The following GALNT12 variants were observed in gnomAD, a reference collection of about 807,000 sequenced individuals.
The protein encoded by GALNT12 is UDP-GalNAc:polypeptide N-acetylgalactosaminyltransferase 12.
In GALNT12, 45 loss-of-function variants were observed where a neutral mutation model predicts 55.5. The observed-to-expected ratio is 0.81, with a 90% CI of 0.64 to 1.04. GALNT12 has a LOEUF of 1.04. Ranked by LOEUF, GALNT12 falls within the 50% of genes least tolerant of loss-of-function variation. The pLI, the probability that GALNT12 is intolerant of heterozygous loss-of-function variation, is 0.00. For synonymous variants in GALNT12, 304 were observed against 312.2 expected (o/e 0.97, Z 0.28); for missense variants, 709 against 754.8 (o/e 0.94, Z 0.71).
intron 1 of GALNT12, among the ~76,000 whole-genome samples, chr9:98,812,512 A>T (rs1295223074): frequency 6.6e-6 from 1 of 152,110 alleles, no homozygotes; most frequent in Non-Finnish European, 1.5e-5. Context: ...AATTACTTGA[A>T]CCCAGGAGGC....
intron 2 of GALNT12, 100 bp downstream of exon 2, chr9:98,823,525 A>G (rs368869020): frequency 4.9e-6 from 5 of 1,018,782 alleles, no homozygotes; most frequent in African/African-American, 4.7e-5. Context: ...CCCAGTAAGG[A>G]TGGGCTTCCT....
rs145689895 is a variant in GALNT12 at position 98,845,273 on chromosome 9, C to T, written c.1459-704C>T. ...ATGGTGTGACAAGCCCTGCTCTGTGCGCCTTAAGAACACCCACCTGTGTCA... is the reference window on the plus strand; with the variant it reads ...ATGGTGTGACAAGCCCTGCTCTGTGTGCCTTAAGAACACCCACCTGTGTCA... On this transcript the variant is annotated intron_variant, in intron 8 of 9. Transcript: ENST00000375011. Among the ~76,000 whole-genome samples the T allele has an allele frequency of 1.9e-3, 287 of 152,158 alleles. 2 individuals carry two copies. The highest frequency in any genetic ancestry group is 6.6e-3 in the African/African-American group (275 of 41,516).
At chr9:98,842,253 A>G (rs1444447945) in intron 7 of GALNT12, among the ~76,000 whole-genome samples, 1 of 152,252 alleles carries the variant, frequency 6.6e-6, no homozygotes, top group East Asian at 1.9e-4. Context: ...GCACCATTGT[A>G]GCTCACTGTA....
intron 8 of GALNT12, 134 bp downstream of exon 8, chr9:98,844,343 A>T (rs1319323095): frequency 1.5e-6 from 1 of 677,102 alleles, no homozygotes; most frequent in Non-Finnish European, 2.7e-6. Flanking sequence ...ACTCAGAGAG[A>T]CCACTGTTAA....
At chr9:98,821,195 A>G (rs1475634083) in intron 1 of GALNT12, among the ~76,000 whole-genome samples, 1 of 151,724 alleles carries the variant, frequency 6.6e-6, no homozygotes, top group Non-Finnish European at 1.5e-5. Flanking sequence ...TTTTTAGTAG[A>G]GATGGAGTTT....
intron 3 of GALNT12, among the ~76,000 whole-genome samples, chr9:98,829,863 C>G (rs1009942302): frequency 1.3e-5 from 2 of 152,172 alleles, no homozygotes; most frequent in Admixed American, 1.3e-4. Context: ...TATCCTTTAT[C>G]CATTCATCTG....
chr9:98,821,574 G>A (rs1416460450), intron 1 of GALNT12, among the ~76,000 whole-genome samples: 1 of 136,324 alleles, frequency 7.3e-6, no homozygotes, highest in Non-Finnish European at 1.5e-5. Flanking sequence ...GCAGTGAGCC[G>A]AGATCGTGCC....
chr9:98,834,754 G>A lies in GALNT12; in HGVS notation c.918-495G>A, dbSNP rs190124899. 4.6e-5 allele frequency among the ~76,000 whole-genome samples: 7 copies of A among 152,270 alleles called. No individual in the cohort carries two copies. The East Asian group carries it at 9.7e-4, about 21-fold the overall frequency. Reference sequence around the variant, plus strand: ...AGATCACACCTCCTCAGATGACCATGGCCTGGAGCCTGCCTTCTTCTCGGA... The same window carrying A: ...AGATCACACCTCCTCAGATGACCATAGCCTGGAGCCTGCCTTCTTCTCGGA... On this transcript the variant is annotated intron_variant, in intron 4 of 9. Transcript: ENST00000375011.
At chr9:98,823,493 G>A in intron 2 of GALNT12, 68 bp downstream of exon 2, 2 of 1,429,274 alleles carry the variant, frequency 1.4e-6, no homozygotes, top group Non-Finnish European at 2.0e-6. Context: ...GTGAGAGTGG[G>A]ATGCAGGAGG....
rs889395877 is a variant in GALNT12 at position 98,807,723 on chromosome 9, C to G, written c.25C>G (p.Arg9Gly). Residue 9 changes from arginine (R) to glycine (G), a missense_variant, in exon 1 of 10, where the codon CGC (arginine) becomes GGC (glycine). Around this residue, in one of 5 missense-constraint regions of GALNT12, gnomAD observed 110 missense variants for 102.2 expected, o/e 1.08. Transcript: ENST00000375011. The stretch of plus-strand genomic sequence containing the variant: ...CATGTGGGGGCGCACGGCGCGGCGG[C>G]GCTGCCCGCGGGAACTGCGGCGCGG... MWGRTARR[R>G]CPRELRRGRE... The G allele has an allele frequency of 6.9e-5, 81 of 1,179,728 alleles. No individual in the cohort carries two copies. In the African/African-American group the frequency reaches 1.3e-3, roughly 19 times the overall value. 73.1% of individuals were successfully genotyped at this position (1,179,728 alleles called of 1,614,324 possible).
chr9:98,845,551 A>C (rs964329125), intron 8 of GALNT12, among the ~76,000 whole-genome samples: 1 of 152,102 alleles, frequency 6.6e-6, no homozygotes, highest in Admixed American at 6.5e-5. Flanking sequence ...TACATCTTCT[A>C]GGAACTGTCA....
Position 98,816,736 on chromosome 9 carries a change from C to T in GALNT12, c.372-6520C>T, listed in dbSNP as rs185821748. 4.0e-4 allele frequency among the ~76,000 whole-genome samples: 60 copies of T among 151,516 alleles called. 1 individual carries two copies. Among genetic ancestry groups the T allele is most frequent in the African/African-American group, 1.1e-3 (44 of 41,302 alleles). On this transcript the variant is annotated intron_variant, in intron 1 of 9. Coordinates refer to ENST00000375011, the MANE Select transcript of GALNT12 (RefSeq NM_024642.5). ...CGCCATCTCAGCTCACTGCCACCCCCGCCTCCCTGACTCAAACCATCCTTC... is the reference window on the plus strand; with the variant it reads ...CGCCATCTCAGCTCACTGCCACCCCTGCCTCCCTGACTCAAACCATCCTTC...
chr9:98,825,771 T>C (rs937899672), intron 2 of GALNT12, among the ~76,000 whole-genome samples: 1 of 152,090 alleles, frequency 6.6e-6, no homozygotes, highest in African/African-American at 2.4e-5. Context: ...GCCCGGGAAT[T>C]TGAGACCAGC....
intron 9 of GALNT12, among the ~76,000 whole-genome samples, chr9:98,847,973 C>T (rs994495441): frequency 7.9e-5 from 12 of 151,952 alleles, no homozygotes; most frequent in Admixed American, 6.6e-5. Flanking sequence ...CCACCACGCC[C>T]AGCTAATTTT....
At chr9:98,820,566 C>T (rs2118336338) in intron 1 of GALNT12, among the ~76,000 whole-genome samples, 1 of 152,318 alleles carries the variant, frequency 6.6e-6, no homozygotes, top group South Asian at 2.1e-4. Context: ...CATGCGCGTG[C>T]ATGTATCTTT....
At position 98,844,203 on chromosome 9, in the gene GALNT12, G is replaced by C; in HGVS notation, c.1452G>C (p.Gln484His). ...VILYLCHGMG[Q>H]NQFFEYTSQK... Reference sequence around the variant, plus strand: ...TGTACCTCTGTCATGGGATGGGCCAGAATCAGGTAGGTATGAGCCTCAAAA... The same window carrying C: ...TGTACCTCTGTCATGGGATGGGCCACAATCAGGTAGGTATGAGCCTCAAAA... Residue 484 changes from glutamine to histidine, a missense_variant, in exon 8 of 10, where the codon CAG becomes CAC. Physicochemically the swap from Gln to His is conservative, Grantham distance 24. Transcript: ENST00000375011. 1 of 1,595,240 alleles carries C rather than the reference G, an allele frequency of 6.3e-7. No homozygotes were observed. Among genetic ancestry groups the C allele is most frequent in the Non-Finnish European group, 8.6e-7 (1 of 1,162,724 alleles).
intron 3 of GALNT12, among the ~76,000 whole-genome samples, chr9:98,830,135 A>G (rs1564254932): frequency 1.3e-5 from 2 of 152,262 alleles, no homozygotes; most frequent in East Asian, 1.9e-4. Context: ...AAACACACCA[A>G]TGCCTGGTCC....
chr9:98,807,727 G>A lies in GALNT12; in HGVS notation c.29G>A (p.Cys10Tyr), dbSNP rs2118254983. The change falls in exon 1 of 10, where the codon TGC (cysteine) becomes TAC (tyrosine). Residue 10 changes from cysteine (C) to tyrosine (Y), a missense_variant. Physicochemically the swap from Cys to Tyr is radical, Grantham distance 194. Transcript: ENST00000375011. ...TGGGGGCGCACGGCGCGGCGGCGCTGCCCGCGGGAACTGCGGCGCGGCCGG... is the reference window on the plus strand; with the variant it reads ...TGGGGGCGCACGGCGCGGCGGCGCTACCCGCGGGAACTGCGGCGCGGCCGG... MWGRTARRR[C>Y]PRELRRGREA... 2 of 1,185,364 alleles carry A rather than the reference G, an allele frequency of 1.7e-6. No homozygotes were observed. Among genetic ancestry groups the A allele is most frequent in the Admixed American group, 4.1e-5 (1 of 24,152 alleles). The allele number at this position is 1,185,364 out of a possible 1,614,324, so 73.4% of individuals were successfully genotyped here. A position where few individuals can be genotyped will look rare whatever the true frequency, so the allele number is the denominator to read the frequency against.
chr9:98,827,684 T>C (rs1411068579), intron 3 of GALNT12, among the ~76,000 whole-genome samples: 1 of 152,222 alleles, frequency 6.6e-6, no homozygotes, highest in African/African-American at 2.4e-5. Flanking sequence ...ATAAATGTTA[T>C]GAATTTCTTT....
Sources: gnomAD v4.1 joint callset for allele counts (sites outside exome capture counted in the v4.1 genomes callset) on GRCh38, gnomAD v4.1.1 for gene constraint, gnomAD v4.1.1 regional missense constraint, MANE v1.5 for transcripts, NCBI Gene and HGNC (gene_info 2026-07-23, HGNC 2026-07-21) for gene names.